The following NDST4 variants were observed in gnomAD, a reference collection of about 807,000 sequenced individuals.
NDST4 encodes N-deacetylase and N-sulfotransferase 4.
A neutral mutation model predicts 100.8 loss-of-function variants in NDST4; 63 were observed. The observed-to-expected ratio is 0.62, with a 90% CI of 0.51 to 0.77. The LOEUF (loss-of-function observed/expected upper bound fraction) is 0.77. Among genes scored for constraint, NDST4 ranks in the 30% least tolerant of loss-of-function variants. The pLI, the probability that NDST4 is intolerant of heterozygous loss-of-function variation, is 0.00. For synonymous variants in NDST4, 377 were observed against 361.8 expected, an observed-to-expected ratio of 1.04 and a Z score of -0.48; for missense variants, 943 against 1,018.4, an observed-to-expected ratio of 0.93 and a Z score of 1.01.
chr4:114,968,862 A>G (rs923077435), intron 4 of NDST4, among the ~76,000 whole-genome samples: 1 of 152,296 alleles, frequency 6.6e-6, no homozygotes, highest in Non-Finnish European at 1.5e-5. Flanking sequence ...TTCTTAGTGT[A>G]GAATCATGGG....
chr4:115,082,731 A>G (rs1729327945), intron 1 of NDST4, among the ~76,000 whole-genome samples: 1 of 152,208 alleles, frequency 6.6e-6, no homozygotes, highest in Admixed American at 6.5e-5. Context: ...TTAAGAACGG[A>G]ACTAAGATTA....
At chr4:115,006,405 A>G (rs1727417979) in intron 2 of NDST4, among the ~76,000 whole-genome samples, 1 of 152,148 alleles carries the variant, frequency 6.6e-6, no homozygotes, top group African/African-American at 2.4e-5. Flanking sequence ...GGAATCCTAT[A>G]ACTATAAAAA....
chr4:115,063,226 A>G (rs1162404016), intron 2 of NDST4, among the ~76,000 whole-genome samples: 2 of 151,958 alleles, frequency 1.3e-5, no homozygotes, highest in Non-Finnish European at 2.9e-5. Context: ...TAAAGAAAAG[A>G]CATCAGAAGA....
At chr4:115,025,222 G>T (rs977590589) in intron 2 of NDST4, among the ~76,000 whole-genome samples, 1 of 151,914 alleles carries the variant, frequency 6.6e-6, no homozygotes, top group African/African-American at 2.4e-5. Flanking sequence ...AAGGGAGCTG[G>T]GCAACAGCCT....
intron 6 of NDST4, among the ~76,000 whole-genome samples, chr4:114,929,112 C>CTAT (rs879624902): frequency 0.041 from 4,937 of 120,154 alleles, 151 homozygotes; most frequent in Non-Finnish European, 0.052. Context: ...ATCCATCCAT[C>CTAT]CATCTATCTA....
chr4:114,936,362 T>C (rs2126225714), intron 5 of NDST4, among the ~76,000 whole-genome samples: 1 of 152,296 alleles, frequency 6.6e-6, no homozygotes, highest in Middle Eastern at 3.4e-3. Flanking sequence ...GACTAATAAA[T>C]ATTGTGTATC....
At chr4:115,005,176 C>A (rs1004916172) in intron 2 of NDST4, among the ~76,000 whole-genome samples, 3 of 152,072 alleles carry the variant, frequency 2.0e-5, no homozygotes, top group African/African-American at 7.2e-5. Context: ...TGAGTGTTCA[C>A]TTTTTTCCAG....
intron 1 of NDST4, among the ~76,000 whole-genome samples, chr4:115,111,936 G>A (rs1432847355): frequency 6.6e-6 from 1 of 151,654 alleles, no homozygotes; most frequent in Non-Finnish European, 1.5e-5. Flanking sequence ...AACAATAGTA[G>A]GCTTAACTTC....
chr4:115,067,133 C>T (rs1728966258), intron 2 of NDST4, among the ~76,000 whole-genome samples: 1 of 152,196 alleles, frequency 6.6e-6, no homozygotes, highest in Admixed American at 6.5e-5. Flanking sequence ...CTGGGTCACC[C>T]ACCTAGAAAC....
At chr4:114,967,421 T>G (rs1397531589) in intron 4 of NDST4, among the ~76,000 whole-genome samples, 1 of 152,168 alleles carries the variant, frequency 6.6e-6, no homozygotes, top group Non-Finnish European at 1.5e-5. Flanking sequence ...CTAAATAGCT[T>G]TCAACATTTC....
intron 6 of NDST4, among the ~76,000 whole-genome samples, chr4:114,927,050 T>A (rs1240600174): frequency 2.6e-5 from 4 of 152,088 alleles, no homozygotes; most frequent in Non-Finnish European, 5.9e-5. Context: ...GTTTTTTTCT[T>A]TCTCTGCTTC....
At chr4:114,866,311 G>C (rs1251927463) in intron 7 of NDST4, among the ~76,000 whole-genome samples, 1 of 152,150 alleles carries the variant, frequency 6.6e-6, no homozygotes, top group African/African-American at 2.4e-5. Flanking sequence ...CCTGTCCTGA[G>C]TAAAGGCTTC....
chr4:114,985,838 C>T (rs1017792473), intron 2 of NDST4, among the ~76,000 whole-genome samples: 4 of 152,130 alleles, frequency 2.6e-5, no homozygotes, highest in Admixed American at 6.6e-5. Context: ...GGAAAAGTGG[C>T]AGGCCATTTT....
At chr4:114,835,504 T>C (rs1264044508) in intron 11 of NDST4, among the ~76,000 whole-genome samples, 1 of 151,814 alleles carries the variant, frequency 6.6e-6, no homozygotes, top group African/African-American at 2.4e-5. Flanking sequence ...ATTTCCATTC[T>C]TTTGCATTTG....
At chr4:115,096,000 ACT>A (rs994450380) in intron 1 of NDST4, among the ~76,000 whole-genome samples, 1 of 149,972 alleles carries the variant, frequency 6.7e-6, no homozygotes, top group Non-Finnish European at 1.5e-5. Context: ...TTAACTTTAC[ACT>A]CTCTCTCTCA....
intron 6 of NDST4, among the ~76,000 whole-genome samples, chr4:114,890,005 A>T (rs1224510460): frequency 6.6e-6 from 1 of 152,158 alleles, no homozygotes; most frequent in African/African-American, 2.4e-5. Flanking sequence ...TGCCTTTCTC[A>T]AGCTATTCTT....
intron 2 of NDST4, among the ~76,000 whole-genome samples, chr4:115,054,734 T>C (rs149080039): frequency 5.3e-5 from 8 of 152,320 alleles, no homozygotes; most frequent in Non-Finnish European, 7.4e-5. Context: ...GTTTATTGTA[T>C]AGACCTGACA....
chr4:115,033,405 C>T (rs1728165154), intron 2 of NDST4, among the ~76,000 whole-genome samples: 1 of 151,458 alleles, frequency 6.6e-6, no homozygotes, highest in South Asian at 2.1e-4. Flanking sequence ...TGTGAGCCAC[C>T]CTGCGTAGTC....
chr4:115,112,993 A>G (rs930630156), intron 1 of NDST4, among the ~76,000 whole-genome samples: 2 of 151,930 alleles, frequency 1.3e-5, no homozygotes, highest in Non-Finnish European at 2.9e-5. Context: ...TCTCAGGTCC[A>G]AAAAACAGGA....
Sources: gnomAD v4.1 joint callset for allele counts (sites outside exome capture counted in the v4.1 genomes callset) on GRCh38, gnomAD v4.1.1 for gene constraint, MANE v1.5 for transcripts, NCBI Gene and HGNC (gene_info 2026-07-23, HGNC 2026-07-21) for gene names.